ARAP2: variants seen among roughly 807,000 people sequenced by gnomAD.
ARAP2 encodes the protein arf-GAP with Rho-GAP domain, ANK repeat and PH domain-containing protein 2.
A neutral mutation model predicts 194.5 loss-of-function variants in ARAP2; 148 were observed. The ratio of observed to expected loss-of-function variants is 0.76; its 90% CI spans 0.67 to 0.87. The LOEUF is 0.87. Ranked by LOEUF, ARAP2 falls within the 40% of genes least tolerant of loss-of-function variation. ARAP2 has a pLI of 0.00. For synonymous variants in ARAP2, 695 were observed against 683.5 expected, an observed-to-expected ratio of 1.02 and a Z score of -0.26; for missense variants, 2,128 against 1,989.7, an observed-to-expected ratio of 1.07 and a Z score of -1.32.
chr4:36,139,465 T>A (rs1553917002), intron 19 of ARAP2, among the ~76,000 whole-genome samples: 2 of 151,720 alleles, frequency 1.3e-5, no homozygotes, highest in Non-Finnish European at 3.0e-5. Context: ...TTAAATAAAT[T>A]GATTATTTCA....
At chr4:36,081,056 A>G (rs2109344494) in intron 30 of ARAP2, among the ~76,000 whole-genome samples, 1 of 152,282 alleles carries the variant, frequency 6.6e-6, no homozygotes, top group East Asian at 1.9e-4. Flanking sequence ...TATCAAAATA[A>G]TTTACCTGAA....
intron 24 of ARAP2, 48 bp downstream of exon 24, chr4:36,119,602 A>G: frequency 7.5e-7 from 1 of 1,337,088 alleles, no homozygotes; most frequent in Non-Finnish European, 1.1e-6. Context: ...TTACAATGGA[A>G]GTTTTTGTTT....
intron 5 of ARAP2, among the ~76,000 whole-genome samples, chr4:36,038,881 G>A (rs1471750942): frequency 6.6e-6 from 1 of 152,124 alleles, no homozygotes; most frequent in Non-Finnish European, 1.5e-5. Context: ...CTTGTAAAAT[G>A]TCATCTTTTG....
intron 9 of ARAP2, among the ~76,000 whole-genome samples, chr4:36,168,282 G>A (rs1287434109): frequency 6.6e-6 from 1 of 152,154 alleles, no homozygotes; most frequent in African/African-American, 2.4e-5. Context: ...ATCTTCTGGG[G>A]AAGTAACTGC....
chr4:36,157,312 A>T (rs1732789782), intron 15 of ARAP2: 1 of 152,178 alleles, frequency 6.6e-6, no homozygotes, highest in South Asian at 2.1e-4. Flanking sequence ...AGACTGTCCA[A>T]GAACTTTCAT....
rs1728586074 is a variant in ARAP2 at position 36,077,792 on chromosome 4, C to T, written c.4608+2424G>A. On this transcript the variant is annotated intron_variant, in intron 31 of 32. Coordinates refer to ENST00000303965, the MANE Select transcript of ARAP2 (RefSeq NM_015230.4). ...CAGGAACTACATAATTTGTCACAAG[C>T]CTTCCTCATCTCTAATATCTTACCT... 2.6e-5 allele frequency among the ~76,000 whole-genome samples: 4 copies of T among 152,168 alleles called. No individual in the cohort carries two copies. The South Asian group carries it at 8.3e-4, about 32-fold the overall frequency.
intron 6 of ARAP2, among the ~76,000 whole-genome samples, chr4:36,200,426 T>C (rs1744127745): frequency 6.6e-6 from 1 of 152,084 alleles, no homozygotes; most frequent in Non-Finnish European, 1.5e-5. Context: ...CAGCTAATTT[T>C]GTATTTTTAG....
Position 36,187,524 on chromosome 4 carries a change from T to C in ARAP2, c.1605A>G (p.Val535=), listed in dbSNP as rs1250162805. The C allele has an allele frequency of 3.8e-6, 6 of 1,567,540 alleles. No homozygotes were observed. Among genetic ancestry groups the C allele is most frequent in the Non-Finnish European group, 5.2e-6 (6 of 1,158,160 alleles). ...GIIPLSAIST[V]RVQGDNKFEV... The stretch of plus-strand genomic sequence containing the variant: ...CAAATTTGTTGTCTCCTTGAACTCG[T>C]ACTGTTGATATAGCAGAAAGGGGAA... The change falls in exon 8 of 33, where the codon GTA becomes GTG. Residue 535 remains valine, a synonymous_variant. Coordinates refer to ENST00000303965, the MANE Select transcript of ARAP2 (RefSeq NM_015230.4).
At chr4:36,091,077 C>T (rs1038216310) in intron 28 of ARAP2, among the ~76,000 whole-genome samples, 1 of 152,056 alleles carries the variant, frequency 6.6e-6, no homozygotes, top group East Asian at 1.9e-4. Context: ...ACAAATCATA[C>T]ATATTAGCTC....
At chr4:36,184,640 G>A (rs559538520) in intron 8 of ARAP2, among the ~76,000 whole-genome samples, 66 of 152,264 alleles carry the variant, frequency 4.3e-4, no homozygotes, top group African/African-American at 1.5e-3. Flanking sequence ...CTTTTAATGT[G>A]TCAAGTAAAT....
intron 6 of ARAP2, among the ~76,000 whole-genome samples, chr4:36,200,721 G>A (rs1291992694): frequency 6.6e-6 from 1 of 152,106 alleles, no homozygotes; most frequent in Non-Finnish European, 1.5e-5. Flanking sequence ...AAATGTTTAA[G>A]AATTTTCTGT....
chr4:36,105,278 C>A (rs1241820513), intron 27 of ARAP2, among the ~76,000 whole-genome samples: 2 of 151,994 alleles, frequency 1.3e-5, no homozygotes, highest in Non-Finnish European at 1.5e-5. Flanking sequence ...TGAGATCACG[C>A]CACCGGTGGC....
chr4:36,081,318 G>C (rs886318241), intron 30 of ARAP2, among the ~76,000 whole-genome samples: 12 of 152,130 alleles, frequency 7.9e-5, no homozygotes, highest in Admixed American at 5.9e-4. Context: ...AGTTGGTTGA[G>C]TCATCAGGGG....
intron 1 of ARAP2, among the ~76,000 whole-genome samples, chr4:36,230,614 T>C (rs977333004): frequency 6.6e-6 from 1 of 152,228 alleles, no homozygotes; most frequent in Non-Finnish European, 1.5e-5. Flanking sequence ...CAGATGCTAA[T>C]TATACAGGTG....
intron 4 of ARAP2, 96 bp downstream of exon 4, chr4:36,213,147 C>A: frequency 3.2e-6 from 3 of 947,674 alleles, no homozygotes; most frequent in South Asian, 1.5e-5. Context: ...AATATAATGC[C>A]ATTCTTCAAA....
Position 36,228,738 on chromosome 4 carries a change from C to T in ARAP2, c.749G>A (p.Gly250Glu), listed in dbSNP as rs1750858813. 1 of 1,613,974 alleles carries T rather than the reference C, an allele frequency of 6.2e-7. No homozygotes were observed. Among genetic ancestry groups the T allele is most frequent in the Non-Finnish European group, 8.5e-7 (1 of 1,180,020 alleles). ...SPPSPFFKFQ[G>E]EMIVNDLYVP... ...ATACAAGTCATTTACAATCATTTCTCCTTGAAACTTAAAGAATGGGGATGG... is the reference window on the plus strand; with the variant it reads ...ATACAAGTCATTTACAATCATTTCTTCTTGAAACTTAAAGAATGGGGATGG... The change falls in exon 2 of 33, where the codon GGA becomes GAA. Residue 250 changes from glycine to glutamate, a missense_variant. Gly to Glu is a moderately conservative substitution (Grantham distance 98). Coordinates refer to ENST00000303965, the MANE Select transcript of ARAP2 (RefSeq NM_015230.4).
chr4:36,163,709 A>G (rs375008182), intron 11 of ARAP2, among the ~76,000 whole-genome samples: 3 of 152,214 alleles, frequency 2.0e-5, no homozygotes, highest in East Asian at 3.8e-4. Context: ...AAATACTTAC[A>G]TAAGAGAGTG....
Position 36,091,779 on chromosome 4 carries a change from T to C in ARAP2, c.4425+102A>G, listed in dbSNP as rs1343995372. ...TCATCAGCTTACCATGCATTTTATA[T>C]ACTACAGGCAGTGACTTCCAAGAGA... On this transcript the variant is annotated intron_variant, in intron 28 of 32. Transcript: ENST00000303965. 6 of 1,253,930 alleles carry C rather than the reference T, an allele frequency of 4.8e-6. No individual in the cohort carries two copies. In the African/African-American group the frequency reaches 7.5e-5, roughly 16 times the overall value. The allele number at this position is 1,253,930 out of a possible 1,614,324, so 77.7% of individuals were successfully genotyped here.
chr4:36,118,997 A>T (rs1475789010), intron 24 of ARAP2, among the ~76,000 whole-genome samples: 1 of 151,372 alleles, frequency 6.6e-6, no homozygotes, highest in Non-Finnish European at 1.5e-5. Flanking sequence ...CATTTCTATC[A>T]TTTATATTGG....
Sources: gnomAD v4.1 joint callset for allele counts (sites outside exome capture counted in the v4.1 genomes callset) on GRCh38, gnomAD v4.1.1 for gene constraint, MANE v1.5 for transcripts, NCBI Gene and HGNC (gene_info 2026-07-23, HGNC 2026-07-21) for gene names.